KNTC1: variants seen among roughly 807,000 people sequenced by gnomAD.
KNTC1 encodes kinetochore-associated protein 1.
In KNTC1, 253 loss-of-function variants were observed where a neutral mutation model predicts 314.4. The ratio of observed to expected loss-of-function variants is 0.80; its 90% CI spans 0.73 to 0.89. The LOEUF (loss-of-function observed/expected upper bound fraction) is 0.89, where lower values mean the gene tolerates loss of function less well. Ranked by LOEUF, KNTC1 falls within the 40% of genes least tolerant of loss-of-function variation. The pLI is 0.00. For synonymous variants in KNTC1, 901 were observed against 901.4 expected (o/e 1.00, Z 0.01); for missense variants, 2,475 against 2,572.9 (o/e 0.96, Z 0.82).
chr12:122,594,459 C>A, intron 43 of KNTC1, 74 bp downstream of exon 43: 2 of 857,358 alleles, frequency 2.3e-6, no homozygotes, highest in South Asian at 1.4e-5. Flanking sequence ...ACAGTAATAA[C>A]GATGATTATT....
chr12:122,603,134 C>T lies in KNTC1; in HGVS notation c.4992C>T (p.Asn1664=). The change falls in exon 48 of 64, where the codon AAC becomes AAT. Residue 1664 remains asparagine (N), a synonymous_variant. Transcript: ENST00000333479. ...AAGCTAAATCCTCAACACTGATTAA[C>T]AAGGAAATAACTAAGATCACGCAGA... ...LTQAKSSTLI[N]KEITKITQTI... is the part of the protein sequence containing the mutation. The T allele has an allele frequency of 6.2e-7, 1 of 1,613,696 alleles. No individual in the cohort carries two copies. Among genetic ancestry groups the T allele is most frequent in the Non-Finnish European group, 8.5e-7 (1 of 1,179,792 alleles).
chr12:122,603,136 A>G lies in KNTC1; in HGVS notation c.4994A>G (p.Lys1665Arg). Reference protein sequence around the residue: ...TQAKSSTLINKEITKITQTIE... With the variant: ...TQAKSSTLINREITKITQTIE... ...GCTAAATCCTCAACACTGATTAACA[A>G]GGAAATAACTAAGATCACGCAGACC... The change falls in exon 48 of 64, where the codon AAG becomes AGG. Residue 1665 changes from lysine (K) to arginine (R), a missense_variant. Physicochemically the swap from Lys to Arg is conservative, Grantham distance 26 (BLOSUM62 2). Coordinates refer to ENST00000333479, the MANE Select transcript of KNTC1 (RefSeq NM_014708.6). 2 of 1,613,850 alleles carry G rather than the reference A, an allele frequency of 1.2e-6. No individual in the cohort carries two copies. Among genetic ancestry groups the G allele is most frequent in the South Asian group, 1.1e-5 (1 of 91,066 alleles).
chr12:122,582,957 A>G lies in KNTC1; in HGVS notation c.3235A>G (p.Asn1079Asp). ...ELTLRALKDG[N>D]IKTALKKCSD... ...GACCTTGAGAGCCTTAAAAGATGGG[A>G]ACATCAAAACAGCACTGAAAAAATG... is the stretch of plus-strand genomic sequence containing the variant. Residue 1079 changes from asparagine (N) to aspartate (D), a missense_variant, in exon 34 of 64, where the codon AAC (asparagine) becomes GAC (aspartate). Asn to Asp is a conservative substitution (Grantham distance 23). Coordinates refer to ENST00000333479, the MANE Select transcript of KNTC1 (RefSeq NM_014708.6). The G allele has an allele frequency of 6.2e-7, 1 of 1,611,322 alleles. No homozygotes were observed. Among genetic ancestry groups the G allele is most frequent in the South Asian group, 1.1e-5 (1 of 90,948 alleles).
chr12:122,608,899 A>C (rs1383242550), intron 51 of KNTC1, among the ~76,000 whole-genome samples: 1 of 151,958 alleles, frequency 6.6e-6, no homozygotes, highest in Non-Finnish European at 1.5e-5. Context: ...TCTCTACAAA[A>C]ATTTAAAAAA....
chr12:122,550,657 C>G (rs1289628265), intron 13 of KNTC1, among the ~76,000 whole-genome samples: 3 of 152,154 alleles, frequency 2.0e-5, no homozygotes, highest in Non-Finnish European at 4.4e-5. Context: ...TGTGCACCAC[C>G]AGGCCTGGCT....
At chr12:122,551,383 TTAAG>T (rs749488979) in intron 14 of KNTC1, 21 bp downstream of exon 14, 44 of 1,589,958 alleles carry the variant, frequency 2.8e-5, no homozygotes, top group Middle Eastern at 3.3e-4. Context: ...TTTTACCGTG[TTAAG>T]TAATAGCTAT....
In KNTC1 at chr12:122,537,709, C is replaced by T. The variant is rs557839202; in HGVS notation, c.251-630C>T. 1.5e-4 allele frequency among the ~76,000 whole-genome samples: 23 copies of T among 152,156 alleles called. No homozygotes were observed. The South Asian group carries it at 3.7e-3, about 25-fold the overall frequency. ...CTGGGGTTACAGGTGTGAGCCACCA[C>T]GCCTGGTCATTTATCAGCTATTTCT... On this transcript the variant is annotated intron_variant, in intron 3 of 63. Coordinates refer to ENST00000333479, the MANE Select transcript of KNTC1 (RefSeq NM_014708.6).
chr12:122,571,729 G>A (rs1964699971), intron 24 of KNTC1, among the ~76,000 whole-genome samples: 1 of 151,730 alleles, frequency 6.6e-6, no homozygotes, highest in African/African-American at 2.4e-5. Context: ...GAGTGCAGTG[G>A]TGCGATCTCA....
At chr12:122,584,535 A>C (rs775068979) in intron 35 of KNTC1, 85 bp downstream of exon 35, 4 of 963,910 alleles carry the variant, frequency 4.1e-6, no homozygotes, top group Non-Finnish European at 4.6e-6. Context: ...TTACAATTGG[A>C]CATCACGGTA....
rs547493330 is a variant in KNTC1 at position 122,533,100 on chromosome 12, C to G, written c.130-1564C>G. On this transcript the variant is annotated intron_variant, in intron 2 of 63. Transcript: ENST00000333479. Reference sequence around the variant, plus strand: ...TTGCTTTGGGCCTTAAGAAGGAGAACAGTCTAGAGAGAAGAGTCTAGAGAG... The same window carrying G: ...TTGCTTTGGGCCTTAAGAAGGAGAAGAGTCTAGAGAGAAGAGTCTAGAGAG... Among the ~76,000 whole-genome samples, 46 of 151,464 alleles carry G rather than the reference C, an allele frequency of 3.0e-4. 1 individual carries two copies. In the East Asian group the frequency reaches 5.4e-3, roughly 18 times the overall value.
chr12:122,552,482 A>T (rs1031219404), intron 16 of KNTC1, among the ~76,000 whole-genome samples: 4 of 152,152 alleles, frequency 2.6e-5, no homozygotes, highest in Non-Finnish European at 5.9e-5. Flanking sequence ...CTCCTGCTTC[A>T]GCTTCCCAAG....
intron 2 of KNTC1, among the ~76,000 whole-genome samples, chr12:122,532,206 CTTTTTTTTTTTT>C (rs139344183): frequency 1.0e-5 from 1 of 99,554 alleles, no homozygotes; most frequent in Admixed American, 1.2e-4. Flanking sequence ...GCTAATTTTT[CTTTTTTTTTTTT>C]TTTTTTTTTG....
intron 20 of KNTC1, chr12:122,563,773 C>T (rs548230497): frequency 1.8e-5 from 27 of 1,470,872 alleles, no homozygotes; most frequent in East Asian, 1.0e-4. Context: ...TAACGCCAGT[C>T]GTGCCCATAT....
intron 62 of KNTC1, among the ~76,000 whole-genome samples, 197 bp downstream of exon 62, chr12:122,622,804 C>T (rs549580704): frequency 9.2e-5 from 14 of 152,008 alleles, no homozygotes; most frequent in South Asian, 4.2e-4. Context: ...CAAAATTAGC[C>T]GGGCATGGTG....
chr12:122,588,734 T>C lies in KNTC1; in HGVS notation c.3917T>C (p.Val1306Ala). ...SEKLFGETTL[V>A]KSRHVVMELK... The stretch of plus-strand genomic sequence containing the variant: ...AAGTTATTTGGAGAGACTACATTAG[T>C]TAAATCAAGGCATGTTGTTATGGAA... Residue 1306 changes from valine to alanine, a missense_variant, in exon 40 of 64, where the codon GTT becomes GCT. Physicochemically the swap from Val to Ala is moderately conservative, Grantham distance 64. Coordinates refer to ENST00000333479, the MANE Select transcript of KNTC1 (RefSeq NM_014708.6). 2.6e-6 allele frequency: 4 copies of C among 1,548,522 alleles called. No individual in the cohort carries two copies. The highest frequency in any genetic ancestry group is 3.5e-6 in the Non-Finnish European group (4 of 1,146,386).
intron 36 of KNTC1, among the ~76,000 whole-genome samples, chr12:122,585,278 G>A (rs1039934644): frequency 6.6e-6 from 1 of 152,104 alleles, no homozygotes; most frequent in African/African-American, 2.4e-5. Flanking sequence ...CTGGGCTCAA[G>A]TGATTCCCCC....
At chr12:122,570,671 C>T (rs1964626597) in intron 22 of KNTC1, among the ~76,000 whole-genome samples, 1 of 152,112 alleles carries the variant, frequency 6.6e-6, no homozygotes, top group African/African-American at 2.4e-5. Flanking sequence ...GATTATTTCA[C>T]ATTGCTTGCC....
rs150766074 is a variant in KNTC1, at chr12:122,611,850, G to A, written c.5622+950G>A. ...TAACACAATGCCTGCAAATCACTTC[G>A]TCCCCATGGATTCAGTGTAGTACTT... On this transcript the variant is annotated intron_variant, in intron 53 of 63. Coordinates refer to ENST00000333479, the MANE Select transcript of KNTC1 (RefSeq NM_014708.6). 1.0e-3 allele frequency: 152 copies of A among 151,728 alleles called. 1 individual carries two copies. Among genetic ancestry groups the A allele is most frequent in the African/African-American group, 3.5e-3 (143 of 41,340 alleles). The allele number at this position is 151,728 out of a possible 1,614,324, so 9.4% of individuals were successfully genotyped here.
chr12:122,599,770 T>G (rs1311535976), intron 44 of KNTC1, among the ~76,000 whole-genome samples: 1 of 152,228 alleles, frequency 6.6e-6, no homozygotes, highest in Non-Finnish European at 1.5e-5. Context: ...CTTCCCACTT[T>G]GTTCAATGTT....
Sources: allele counts gnomAD v4.1 joint callset (sites outside exome capture counted in the v4.1 genomes callset), GRCh38; gene constraint gnomAD v4.1.1; transcripts MANE v1.5; gene names NCBI Gene and HGNC (gene_info 2026-07-23, HGNC 2026-07-21).